RAI1: variants seen among roughly 807,000 people sequenced by gnomAD.
RAI1 encodes the protein retinoic acid-induced protein 1.
RAI1 carries 9 observed loss-of-function variants against 123.8 expected under a neutral mutation model. That is an observed-to-expected ratio of 0.07 (90% confidence interval 0.04 to 0.13). The LOEUF is 0.13. Ranked by LOEUF, RAI1 falls within the 10% of genes least tolerant of loss-of-function variation. The pLI is 1.00. For synonymous variants in RAI1, 1,231 were observed against 1,127.3 expected (o/e 1.09, Z -1.84); for missense variants, 2,256 against 2,545.8 (o/e 0.89, Z 2.45).
At position 17,794,692 on chromosome 17, in the gene RAI1, G is replaced by A. The variant is rs781255993; in HGVS notation, c.1744G>A (p.Asp582Asn). The A allele has an allele frequency of 3.0e-5, 48 of 1,612,736 alleles. No homozygotes were observed. Among genetic ancestry groups the A allele is most frequent in the Admixed American group, 8.3e-5 (5 of 60,004 alleles). Residue 582 changes from aspartate (D) to asparagine (N), a missense_variant, in exon 3 of 6, where the codon GAC (aspartate) becomes AAC (asparagine). Physicochemically the swap from Asp to Asn is conservative, Grantham distance 23. Transcript: ENST00000353383. Reference protein sequence around the residue: ...FQSLHGSLPLDSFSKFVAGER... With the variant: ...FQSLHGSLPLNSFSKFVAGER... ...GAGCCTACACGGCAGTCTGCCGCTC[G>A]ACAGCTTCTCCAAGTTCGTGGCGGG...
At chr17:17,729,361 C>G (rs974816529) in intron 2 of RAI1, among the ~76,000 whole-genome samples, 1 of 152,196 alleles carries the variant, frequency 6.6e-6, no homozygotes, top group Non-Finnish European at 1.5e-5. Context: ...TCAGGTGTTG[C>G]GGGGTTCACA....
chr17:17,708,468 C>T (rs1238526798), intron 1 of RAI1, among the ~76,000 whole-genome samples: 1 of 152,062 alleles, frequency 6.6e-6, no homozygotes, highest in Non-Finnish European at 1.5e-5. Context: ...GAGACAGAGT[C>T]TCACTATGTT....
At chr17:17,784,931 T>C (rs1318696692) in intron 2 of RAI1, among the ~76,000 whole-genome samples, 1 of 152,112 alleles carries the variant, frequency 6.6e-6, no homozygotes, top group Non-Finnish European at 1.5e-5. Flanking sequence ...GGCTGCTGCT[T>C]ACATGGGGTG....
intron 1 of RAI1, among the ~76,000 whole-genome samples, chr17:17,688,782 T>C (rs1447496800): frequency 6.6e-6 from 1 of 151,566 alleles, no homozygotes; most frequent in Non-Finnish European, 1.5e-5. Context: ...GTATTTTTAG[T>C]AGAGACGGGG....
chr17:17,798,597 G>A (rs2032354218), intron 3 of RAI1, 84 bp downstream of exon 3: 5 of 1,560,586 alleles, frequency 3.2e-6, no homozygotes, highest in African/African-American at 1.4e-5. Context: ...CTTGTTTCTA[G>A]TGCTACAGTG....
Position 17,799,549 on chromosome 17 carries a change from C to A in RAI1, c.5565+1036C>A, listed in dbSNP as rs1052598532. On this transcript the variant is annotated intron_variant, in intron 3 of 5. Transcript: ENST00000353383. This position sits in a 1 kb window ranked among gnomAD's most constrained non-coding sequence, Gnocchi z 4.5. Reference sequence around the variant, plus strand: ...GTGGAGTGACGCTCCCGGCTCTCAGCGCTGTGTGGTGGCTCTCAGTGGGGA... The same window carrying A: ...GTGGAGTGACGCTCCCGGCTCTCAGAGCTGTGTGGTGGCTCTCAGTGGGGA... Among the ~76,000 whole-genome samples the A allele has an allele frequency of 6.6e-6, 1 of 152,184 alleles. No individual in the cohort carries two copies. The highest frequency in any genetic ancestry group is 2.4e-5 in the African/African-American group (1 of 41,426).
At position 17,809,661 on chromosome 17, in the gene RAI1, T is replaced by C. The variant is rs1180483146; in HGVS notation, c.5709+222T>C. Among the ~76,000 whole-genome samples, 1 of 151,446 alleles carries C rather than the reference T, an allele frequency of 6.6e-6. No homozygotes were observed. Among genetic ancestry groups the C allele is most frequent in the Non-Finnish European group, 1.5e-5 (1 of 67,784 alleles). ...CGCCGCCGCCGAAAACCCGCAGGCG[T>C]CGGGGCATGGGCAGCCAGGGGCTGG... is the stretch of plus-strand genomic sequence containing the variant. On this transcript the variant is annotated intron_variant, in intron 5 of 5. Transcript: ENST00000353383. This position sits in a 1 kb window ranked among gnomAD's most constrained non-coding sequence, Gnocchi z 4.9.
chr17:17,778,308 T>A (rs559133091), intron 2 of RAI1: 43 of 204,352 alleles, frequency 2.1e-4, no homozygotes, highest in African/African-American at 1.0e-3. Flanking sequence ...CTGGGAGGCA[T>A]AGAAAGTACA....
In RAI1 at chr17:17,800,336, T is replaced by C. The variant is rs1461328776; in HGVS notation, c.5565+1823T>C. ...CCAGCTGGCTGCCACCTCCCCTGCT[T>C]CACAGCCCCATTCCTGAAAGCCTTG... On this transcript the variant is annotated intron_variant, in intron 3 of 5. Coordinates refer to ENST00000353383, the MANE Select transcript of RAI1 (RefSeq NM_030665.4). This position sits in a 1 kb window ranked among gnomAD's most constrained non-coding sequence, Gnocchi z 4.7. Among the ~76,000 whole-genome samples, 3 of 152,006 alleles carry C rather than the reference T, an allele frequency of 2.0e-5. No homozygotes were observed. The highest frequency in any genetic ancestry group is 4.4e-5 in the Non-Finnish European group (3 of 67,996).
rs1433031127 is a variant in RAI1 at position 17,796,238 on chromosome 17, G to A, written c.3290G>A (p.Arg1097Gln). Residue 1097 changes from arginine to glutamine, a missense_variant, in exon 3 of 6, where the codon CGG becomes CAG. Physicochemically the swap from Arg to Gln is conservative, Grantham distance 43 (BLOSUM62 1). Around this residue, in one of 7 missense-constraint regions of RAI1, gnomAD observed 22 missense variants for 50.7 expected, o/e 0.43. Transcript: ENST00000353383. The surrounding 1 kb of genome is among the most constrained non-coding windows in gnomAD (Gnocchi z 5.8). ...KQRAAFKSGK[R>Q]VGKPSPKAAS... ...CGAGCCGCCTTCAAGTCGGGCAAGC[G>A]GGTGGGGAAGCCCTCACCCAAGGCT... The A allele has an allele frequency of 1.3e-6, 2 of 1,571,868 alleles. No individual in the cohort carries two copies. Among genetic ancestry groups the A allele is most frequent in the Non-Finnish European group, 1.7e-6 (2 of 1,157,940 alleles).
intron 2 of RAI1, chr17:17,782,130 G>A (rs920979823): frequency 1.3e-5 from 2 of 151,666 alleles, no homozygotes; most frequent in African/African-American, 2.4e-5. Flanking sequence ...GTCTTTTCCA[G>A]GCTGAGATTT....
rs2032427214 is a variant in RAI1, at chr17:17,800,534, G to A, written c.5565+2021G>A. 6.6e-6 allele frequency among the ~76,000 whole-genome samples: 1 copy of A among 152,128 alleles called. No individual in the cohort carries two copies. Among genetic ancestry groups the A allele is most frequent in the African/African-American group, 2.4e-5 (1 of 41,440 alleles). ...CCCATCCTGTCCCTGGCCCATGGGTGTCTTAACCGCCCATGCACACACAAG... is the reference window on the plus strand; with the variant it reads ...CCCATCCTGTCCCTGGCCCATGGGTATCTTAACCGCCCATGCACACACAAG... On this transcript the variant is annotated intron_variant, in intron 3 of 5. Transcript: ENST00000353383. This position sits in a 1 kb window ranked among gnomAD's most constrained non-coding sequence, Gnocchi z 4.7.
At chr17:17,747,167 TTG>T (rs2059155263) in intron 2 of RAI1, among the ~76,000 whole-genome samples, 1 of 152,150 alleles carries the variant, frequency 6.6e-6, no homozygotes, top group South Asian at 2.1e-4. Flanking sequence ...ACTGGTAGAT[TTG>T]TGTCAGTGGA....
intron 2 of RAI1, among the ~76,000 whole-genome samples, chr17:17,749,097 C>T (rs1234966027): frequency 2.0e-5 from 3 of 152,230 alleles, no homozygotes; most frequent in African/African-American, 7.2e-5. Flanking sequence ...CCTTCACAAC[C>T]ATCCCCGTCC....
chr17:17,795,087 C>T lies in RAI1; in HGVS notation c.2139C>T (p.Thr713=). ...TGPLSFGTKP[T]LGVPAPDPTT... is the part of the protein sequence containing the mutation. The stretch of plus-strand genomic sequence containing the variant: ...CTCTCTCCTTTGGTACCAAGCCCAC[C>T]CTTGGGGTTCCTGCTCCAGACCCCA... Residue 713 remains threonine, a synonymous_variant, in exon 3 of 6, where the codon ACC becomes ACT. Transcript: ENST00000353383. The surrounding 1 kb of genome is among the most constrained non-coding windows in gnomAD (Gnocchi z 5.9). 6.2e-7 allele frequency: 1 copy of T among 1,614,164 alleles called. No individual in the cohort carries two copies. Among genetic ancestry groups the T allele is most frequent in the Non-Finnish European group, 8.5e-7 (1 of 1,180,048 alleles).
chr17:17,757,364 G>A (rs1003663971), intron 2 of RAI1, among the ~76,000 whole-genome samples: 5 of 152,096 alleles, frequency 3.3e-5, no homozygotes, highest in African/African-American at 4.8e-5. Flanking sequence ...GGGCCAAGCC[G>A]GGGGGCGGCA....
At chr17:17,767,888 C>T (rs990663605) in intron 2 of RAI1, among the ~76,000 whole-genome samples, 5 of 152,144 alleles carry the variant, frequency 3.3e-5, no homozygotes, top group African/African-American at 9.7e-5. Flanking sequence ...GTAGTTGAGC[C>T]GGTAAGCTCA....
chr17:17,778,819 G>A, intron 2 of RAI1: 1 of 456,796 alleles, frequency 2.2e-6, no homozygotes, highest in South Asian at 1.5e-5. Context: ...GCTATGTACA[G>A]CTGGAAGAGG....
At chr17:17,807,249 T>TG (rs531644381) in intron 4 of RAI1, among the ~76,000 whole-genome samples, 355 of 6,680 alleles carry the variant, frequency 0.053, 2 homozygotes, top group Non-Finnish European at 0.074. Context: ...AGCCAGGCGG[T>TG]GGGGGGGGCG....
Sources: gnomAD v4.1 joint callset for allele counts (sites outside exome capture counted in the v4.1 genomes callset) on GRCh38, gnomAD v4.1.1 for gene constraint, gnomAD v4.1.1 regional missense constraint, Gnocchi (gnomAD v3.1) non-coding constraint, MANE v1.5 for transcripts, NCBI Gene and HGNC (gene_info 2026-07-23, HGNC 2026-07-21) for gene names.